The following CTNNA3 variants were observed in gnomAD, a reference collection of about 807,000 sequenced individuals.
CTNNA3 encodes the protein catenin alpha-3.
In CTNNA3, 76 loss-of-function variants were observed where a neutral mutation model predicts 95.7. The observed-to-expected ratio is 0.79, with a 90% confidence interval of 0.66 to 0.96. The LOEUF (loss-of-function observed/expected upper bound fraction) is 0.96, where lower values mean the gene tolerates loss of function less well. Ranked by LOEUF, CTNNA3 falls within the 40% of genes least tolerant of loss-of-function variation. The pLI is 0.00. For missense variants in CTNNA3, 1,191 were observed against 1,089.8 expected, an observed-to-expected ratio of 1.09 and a Z score of -1.31; for synonymous variants, 431 against 374.4, an observed-to-expected ratio of 1.15 and a Z score of -1.74.
intron 1 of CTNNA3, among the ~76,000 whole-genome samples, chr10:67,751,782 T>G (rs1261467135): frequency 6.8e-6 from 1 of 146,904 alleles, no homozygotes; most frequent in African/African-American, 2.5e-5. Flanking sequence ...TTCGAATCCC[T>G]GAATAGACTA....
intron 13 of CTNNA3, among the ~76,000 whole-genome samples, chr10:66,229,902 A>G (rs922686324): frequency 1.3e-5 from 2 of 151,734 alleles, no homozygotes; most frequent in Non-Finnish European, 2.9e-5. Flanking sequence ...GAGTTTCTTC[A>G]TTCTTTTTCA....
intron 1 of CTNNA3, among the ~76,000 whole-genome samples, chr10:67,678,148 T>C (rs1352638736): frequency 6.6e-6 from 1 of 152,074 alleles, no homozygotes; most frequent in East Asian, 1.9e-4. Context: ...AAAAATCGTG[T>C]AACATAAAAG....
intron 5 of CTNNA3, among the ~76,000 whole-genome samples, chr10:67,464,714 A>T (rs1055729038): frequency 6.6e-6 from 1 of 152,174 alleles, no homozygotes; most frequent in Non-Finnish European, 1.5e-5. Context: ...GTTTGAAATG[A>T]TTCTATAAAG....
chr10:66,534,557 A>G (rs1342732001), intron 10 of CTNNA3, among the ~76,000 whole-genome samples: 2 of 149,610 alleles, frequency 1.3e-5, no homozygotes, highest in Non-Finnish European at 3.0e-5. Flanking sequence ...ATGTTTATAT[A>G]TATAAAAGAG....
intron 7 of CTNNA3, among the ~76,000 whole-genome samples, chr10:66,915,069 T>G (rs992139536): frequency 6.6e-6 from 1 of 151,750 alleles, no homozygotes; most frequent in Non-Finnish European, 1.5e-5. Context: ...CAATAGAAGT[T>G]TCAGAGAAAG....
At chr10:67,305,926 G>A (rs532834506) in intron 5 of CTNNA3, among the ~76,000 whole-genome samples, 51 of 152,292 alleles carry the variant, frequency 3.3e-4, no homozygotes, top group Middle Eastern at 3.4e-3. Flanking sequence ...CAAAACAAGC[G>A]TTTGAGGAGA....
intron 7 of CTNNA3, among the ~76,000 whole-genome samples, chr10:67,007,999 C>T (rs1852105617): frequency 6.6e-6 from 1 of 151,740 alleles, no homozygotes; most frequent in Non-Finnish European, 1.5e-5. Flanking sequence ...TTAAATATAG[C>T]TATACTTGAA....
At chr10:66,378,773 TA>T (rs2092813626) in intron 12 of CTNNA3, among the ~76,000 whole-genome samples, 1 of 152,122 alleles carries the variant, frequency 6.6e-6, no homozygotes, top group African/African-American at 2.4e-5. Context: ...TGTGTTTAAG[TA>T]ATGTAAACAA....
intron 7 of CTNNA3, among the ~76,000 whole-genome samples, chr10:66,929,700 T>C (rs984867126): frequency 3.9e-5 from 6 of 152,250 alleles, no homozygotes; most frequent in Non-Finnish European, 8.8e-5. Context: ...ATCTGTATTG[T>C]GAACTCATCC....
At chr10:67,611,338 G>A (rs1267746606) in intron 2 of CTNNA3, among the ~76,000 whole-genome samples, 1 of 151,472 alleles carries the variant, frequency 6.6e-6, no homozygotes, top group Non-Finnish European at 1.5e-5. Flanking sequence ...TTTTGAGACG[G>A]AGTCTCACTC....
At chr10:66,388,950 A>T (rs1473128908) in intron 11 of CTNNA3, among the ~76,000 whole-genome samples, 1 of 152,166 alleles carries the variant, frequency 6.6e-6, no homozygotes, top group Non-Finnish European at 1.5e-5. Flanking sequence ...ACATATGCAC[A>T]ATAACTAAAC....
intron 5 of CTNNA3, among the ~76,000 whole-genome samples, chr10:67,360,828 AC>A (rs1392723360): frequency 6.6e-6 from 1 of 151,868 alleles, no homozygotes; most frequent in Non-Finnish European, 1.5e-5. Context: ...TGAGAAATCC[AC>A]CCCCATGATC....
intron 9 of CTNNA3, among the ~76,000 whole-genome samples, chr10:66,685,422 G>T (rs1411588666): frequency 1.6e-5 from 2 of 121,688 alleles, no homozygotes; most frequent in Non-Finnish European, 3.3e-5. Flanking sequence ...GCCCAGGCTG[G>T]AGTGCAGTGG....
chr10:66,005,619 A>G (rs2078862899), intron 15 of CTNNA3, among the ~76,000 whole-genome samples: 1 of 152,094 alleles, frequency 6.6e-6, no homozygotes, highest in Admixed American at 6.6e-5. Context: ...TCCTTCCCCG[A>G]TACACTACAT....
chr10:66,927,787 A>G lies in CTNNA3; in HGVS notation c.1048-152263T>C, dbSNP rs1160080473. 1 of 1,614,086 alleles carries G rather than the reference A, an allele frequency of 6.2e-7. No homozygotes were observed. Among genetic ancestry groups the G allele is most frequent in the Non-Finnish European group, 8.5e-7 (1 of 1,179,910 alleles). On this transcript the variant is annotated intron_variant, in intron 7 of 17. Transcript: ENST00000433211. This position sits in a 1 kb window ranked among gnomAD's most constrained non-coding sequence, Gnocchi z 4.7. ...CCTCAACCTGGATTCCAACAAGCTC[A>G]CATTTATTGGTCAAGAGATTTTGGA...
chr10:66,274,472 C>T (rs2091350554), intron 13 of CTNNA3, among the ~76,000 whole-genome samples: 1 of 152,064 alleles, frequency 6.6e-6, no homozygotes, highest in Admixed American at 6.6e-5. Flanking sequence ...AACCTCCATA[C>T]ATTAGAAATG....
chr10:67,496,534 A>G (rs1031855075), intron 5 of CTNNA3, among the ~76,000 whole-genome samples: 8 of 152,156 alleles, frequency 5.3e-5, no homozygotes, highest in Non-Finnish European at 1.2e-4. Context: ...TGTCTACTCC[A>G]GCACTGGCCC....
At chr10:66,387,494 G>A (rs767651773) in intron 11 of CTNNA3, among the ~76,000 whole-genome samples, 1 of 152,170 alleles carries the variant, frequency 6.6e-6, no homozygotes, top group Non-Finnish European at 1.5e-5. Flanking sequence ...TACACTGTTG[G>A]TGGGTGTGTA....
At chr10:67,538,383 G>C (rs184756360) in intron 4 of CTNNA3, among the ~76,000 whole-genome samples, 9 of 151,828 alleles carry the variant, frequency 5.9e-5, no homozygotes, top group Admixed American at 4.6e-4. Context: ...AGACCAGCCT[G>C]GCCAACATAG....
Sources: allele counts gnomAD v4.1 joint callset (sites outside exome capture counted in the v4.1 genomes callset), GRCh38; gene constraint gnomAD v4.1.1; non-coding constraint Gnocchi (gnomAD v3.1); transcripts MANE v1.5; gene names NCBI Gene and HGNC (gene_info 2026-07-23, HGNC 2026-07-21).